Variants in LARGE1 observed in about 807,000 individuals in gnomAD.
LARGE1 encodes the protein LARGE xylosyl- and glucuronyltransferase 1.
Under a neutral mutation model 87.6 loss-of-function variants are expected in LARGE1, and 43 were observed. The observed-to-expected ratio is 0.49, with a 90% CI of 0.38 to 0.63. The LOEUF (loss-of-function observed/expected upper bound fraction) is 0.63, where lower values mean the gene tolerates loss of function less well. Ranked by LOEUF, LARGE1 falls within the 30% of genes least tolerant of loss-of-function variation. The probability of loss-of-function intolerance (pLI) is 0.00; values close to 1 mark genes in which losing one functional copy is unlikely to be tolerated. For missense variants in LARGE1, 802 were observed against 1,000.2 expected (o/e 0.80, Z 2.67); for synonymous variants, 434 against 394.6 (o/e 1.10, Z -1.18).
At chr22:33,660,382 C>T (rs932490426) in intron 2 of LARGE1, among the ~76,000 whole-genome samples, 4 of 152,010 alleles carry the variant, frequency 2.6e-5, no homozygotes, top group African/African-American at 4.8e-5. Flanking sequence ...TTTAGAAAAC[C>T]GTCATTGGAG....
chr22:33,866,739 C>G (rs553204752), intron 1 of LARGE1, among the ~76,000 whole-genome samples: 1 of 152,264 alleles, frequency 6.6e-6, no homozygotes, highest in African/African-American at 2.4e-5. Flanking sequence ...CGGTGGATTG[C>G]TGCGAGGATT....
intron 1 of LARGE1, among the ~76,000 whole-genome samples, chr22:33,827,552 G>A (rs1007976878): frequency 6.6e-6 from 1 of 152,136 alleles, no homozygotes; most frequent in African/African-American, 2.4e-5. Flanking sequence ...GGAAATAAGT[G>A]CAAAAGTTCT....
intron 11 of LARGE1, among the ~76,000 whole-genome samples, chr22:33,175,634 A>T (rs1301956584): frequency 6.6e-6 from 1 of 152,194 alleles, no homozygotes; most frequent in East Asian, 1.9e-4. Context: ...ACTACAAACC[A>T]CTGCTCAATG....
intron 9 of LARGE1, among the ~76,000 whole-genome samples, chr22:33,372,552 T>G (rs1162066735): frequency 6.6e-6 from 1 of 152,132 alleles, no homozygotes; most frequent in Non-Finnish European, 1.5e-5. Context: ...TAGGGGAAAC[T>G]TCTTATAAAA....
At chr22:33,304,565 G>A (rs1193026208) in intron 11 of LARGE1, 58 bp from the exon 12 acceptor site, 17 of 1,494,034 alleles carry the variant, frequency 1.1e-5, no homozygotes, top group South Asian at 7.7e-5. Context: ...ATCATCCGCC[G>A]GGCCTGTTGT....
At chr22:33,917,391 T>A (rs985199257) in intron 1 of LARGE1, among the ~76,000 whole-genome samples, 4 of 152,230 alleles carry the variant, frequency 2.6e-5, no homozygotes, top group Non-Finnish European at 5.9e-5. Flanking sequence ...CTGTGGACAT[T>A]AATGATTTCA....
chr22:33,504,234 T>G (rs534059225), intron 6 of LARGE1, among the ~76,000 whole-genome samples: 2 of 152,294 alleles, frequency 1.3e-5, no homozygotes, highest in South Asian at 4.1e-4. Context: ...TAAAATCCCA[T>G]GAACTATACA....
the LARGE1 span, among the ~76,000 whole-genome samples, chr22:33,100,218 T>C: frequency 6.6e-6 from 1 of 151,454 alleles, no homozygotes; most frequent in Non-Finnish European, 1.5e-5. Context: ...CATGGGGGTG[T>C]ATGCCTGTAA....
rs1255714591 is a variant in LARGE1, at chr22:33,537,815, C to A, written c.787+27033G>T. On this transcript the variant is annotated intron_variant, in intron 6 of 14. Coordinates refer to ENST00000397394, the MANE Select transcript of LARGE1 (RefSeq NM_133642.5). ...CTCAAACTCCTGACCTCGTGATCCACCCGCCTCGGCCTCCCAAAGTGCTGG... is the reference window on the plus strand; with the variant it reads ...CTCAAACTCCTGACCTCGTGATCCAACCGCCTCGGCCTCCCAAAGTGCTGG... Among the ~76,000 whole-genome samples the A allele has an allele frequency of 5.9e-5, 9 of 152,294 alleles. No individual in the cohort carries two copies. The East Asian group carries it at 1.5e-3, about 26-fold the overall frequency.
intron 5 of LARGE1, among the ~76,000 whole-genome samples, chr22:33,589,330 T>A (rs920213213): frequency 6.6e-6 from 1 of 152,232 alleles, no homozygotes; most frequent in Non-Finnish European, 1.5e-5. Context: ...TGATACATGA[T>A]AAGTGACAAG....
chr22:33,339,342 A>AG (rs139369321), intron 9 of LARGE1, among the ~76,000 whole-genome samples: 1,708 of 151,896 alleles, frequency 0.011, 36 homozygotes, highest in African/African-American at 0.038. Flanking sequence ...CTGGAGCACA[A>AG]GGGGCGGAAA....
the LARGE1 span, among the ~76,000 whole-genome samples, chr22:33,072,249 T>C: frequency 1.3e-5 from 2 of 152,186 alleles, no homozygotes; most frequent in Non-Finnish European, 2.9e-5. Context: ...GTTTTATTTT[T>C]GATGTGCAAA....
chr22:33,176,662 T>C (rs1018639217), intron 11 of LARGE1, among the ~76,000 whole-genome samples: 1 of 152,172 alleles, frequency 6.6e-6, no homozygotes, highest in Non-Finnish European at 1.5e-5. Flanking sequence ...AAACAACAGA[T>C]GCTGGAGAGG....
At chr22:33,346,259 C>T (rs376077885) in intron 9 of LARGE1, among the ~76,000 whole-genome samples, 2 of 126,424 alleles carry the variant, frequency 1.6e-5, no homozygotes, top group East Asian at 3.9e-4. Context: ...TTCCTCTCTT[C>T]TCTCTCTCTC....
Position 33,217,969 on chromosome 22 carries a change from G to A in LARGE1, c.1731-51137C>T, listed in dbSNP as rs374645215. Among the ~76,000 whole-genome samples the A allele has an allele frequency of 3.2e-4, 48 of 151,146 alleles. 1 individual carries two copies. The highest frequency in any genetic ancestry group is 9.5e-4 in the African/African-American group (39 of 41,072). ...TTTTTAGATGGAGTCTCACTCTGTC[G>A]CCCAGGCTGGAGTGGAGTGGTACAA... On this transcript the variant is annotated intron_variant, in intron 11 of 11. Coordinates refer to the LARGE1 transcript ENST00000608642.
chr22:33,641,667 C>T (rs2080436969), intron 3 of LARGE1, among the ~76,000 whole-genome samples: 1 of 151,984 alleles, frequency 6.6e-6, no homozygotes, highest in South Asian at 2.1e-4. Context: ...ACTAAAATAA[C>T]CAGTTTAGAG....
chr22:33,201,500 C>A (rs1220555426), intron 11 of LARGE1, among the ~76,000 whole-genome samples: 1 of 152,018 alleles, frequency 6.6e-6, no homozygotes, highest in African/African-American at 2.4e-5. Context: ...ATGGATTGGG[C>A]AGACAGCTTG....
chr22:33,211,922 C>A (rs1482011214), intron 11 of LARGE1, among the ~76,000 whole-genome samples: 1 of 152,162 alleles, frequency 6.6e-6, no homozygotes, highest in Non-Finnish European at 1.5e-5. Context: ...TAATCCAGGG[C>A]AAGACCCTAA....
At chr22:33,699,607 C>T (rs183060763) in intron 2 of LARGE1, among the ~76,000 whole-genome samples, 30 of 152,276 alleles carry the variant, frequency 2.0e-4, no homozygotes, top group Non-Finnish European at 3.1e-4. Flanking sequence ...AGTGAGATTC[C>T]AAGCAAAGAA....
Sources: allele counts gnomAD v4.1 joint callset (sites outside exome capture counted in the v4.1 genomes callset), GRCh38; gene constraint gnomAD v4.1.1; transcripts MANE v1.5; gene names NCBI Gene and HGNC (gene_info 2026-07-23, HGNC 2026-07-21).